Variants in LIFR observed in about 807,000 individuals in gnomAD.
LIFR encodes LIF receptor subunit alpha.
A neutral mutation model predicts 122.2 loss-of-function variants in LIFR; 84 were observed. That is an observed-to-expected ratio of 0.69 (90% CI 0.58 to 0.82). The LOEUF is 0.82. LIFR is among the 40% of genes least tolerant of loss of function. The probability of loss-of-function intolerance (pLI) is 0.00; values close to 1 mark genes in which losing one functional copy is unlikely to be tolerated. For missense variants in LIFR, 1,294 were observed against 1,311.6 expected (o/e 0.99, Z 0.21); for synonymous variants, 422 against 434.7 (o/e 0.97, Z 0.36).
chr5:38,503,570 T>C (rs1745297568), intron 10 of LIFR, among the ~76,000 whole-genome samples: 1 of 152,222 alleles, frequency 6.6e-6, no homozygotes, highest in African/African-American at 2.4e-5. Context: ...ATTTAAAATG[T>C]ATTAAAAAGT....
intron 3 of LIFR, among the ~76,000 whole-genome samples, chr5:38,527,907 T>C (rs1746778492): frequency 6.6e-6 from 1 of 152,188 alleles, no homozygotes; most frequent in African/African-American, 2.4e-5. Context: ...TATACAAATG[T>C]TTACTTTACT....
intron 1 of LIFR, among the ~76,000 whole-genome samples, chr5:38,533,431 A>G (rs1022902730): frequency 2.6e-5 from 4 of 152,188 alleles, no homozygotes; most frequent in Non-Finnish European, 4.4e-5. Flanking sequence ...CACATGGCAA[A>G]GTTCAGTCCT....
At chr5:38,602,497 T>A (rs1750240062) in intron 2 of LIFR, among the ~76,000 whole-genome samples, 1 of 151,860 alleles carries the variant, frequency 6.6e-6, no homozygotes, top group South Asian at 2.1e-4. Context: ...CCTTCTCTTT[T>A]CTTTTTTTTT....
At chr5:38,556,139 C>T (rs1188728233) in intron 1 of LIFR, among the ~76,000 whole-genome samples, 195 bp downstream of exon 1, 1 of 152,158 alleles carries the variant, frequency 6.6e-6, no homozygotes, top group African/African-American at 2.4e-5. Context: ...TCCGCGTCCC[C>T]CAGGACACGA....
intron 1 of LIFR, among the ~76,000 whole-genome samples, chr5:38,570,127 A>G (rs922349851): frequency 6.6e-6 from 1 of 151,620 alleles, no homozygotes; most frequent in Admixed American, 6.6e-5. Context: ...TAAGCATGCT[A>G]TACCTTAACT....
chr5:38,549,038 C>G (rs1314258416), intron 1 of LIFR, among the ~76,000 whole-genome samples: 2 of 151,988 alleles, frequency 1.3e-5, no homozygotes, highest in Non-Finnish European at 2.9e-5. Flanking sequence ...TAAGGAAATA[C>G]AAAACTTGCC....
At chr5:38,562,887 T>C (rs1451387906) in intron 1 of LIFR, among the ~76,000 whole-genome samples, 1 of 152,212 alleles carries the variant, frequency 6.6e-6, no homozygotes, top group African/African-American at 2.4e-5. Flanking sequence ...TAATTCAAGG[T>C]CTCTGAAACA....
chr5:38,604,593 C>T (rs327297), intron 2 of LIFR, among the ~76,000 whole-genome samples: 2,643 of 151,886 alleles, frequency 0.017, 79 homozygotes, highest in African/African-American at 0.061. Context: ...CTCAGCTACC[C>T]GGGAGGCTGA....
chr5:38,498,232 T>G (rs1003093640), intron 12 of LIFR, among the ~76,000 whole-genome samples: 1 of 152,174 alleles, frequency 6.6e-6, no homozygotes, highest in African/African-American at 2.4e-5. Flanking sequence ...GACCACACAC[T>G]GTTTGAAATG....
At chr5:38,580,305 A>T (rs991241379) in intron 1 of LIFR, among the ~76,000 whole-genome samples, 1 of 152,142 alleles carries the variant, frequency 6.6e-6, no homozygotes, top group Non-Finnish European at 1.5e-5. Context: ...CCACAAACAG[A>T]GGTGGCTGTG....
chr5:38,541,710 G>T (rs1747601225), intron 1 of LIFR, among the ~76,000 whole-genome samples: 1 of 152,068 alleles, frequency 6.6e-6, no homozygotes, highest in Non-Finnish European at 1.5e-5. Flanking sequence ...ATCTGTGGAT[G>T]GAAAAAAATG....
chr5:38,608,167 G>A (rs1285194793), exon 1 of LIFR: 1 of 152,102 alleles, frequency 6.6e-6, no homozygotes, highest in Non-Finnish European at 1.5e-5. Flanking sequence ...GAATCTCCTG[G>A]TTGCCTGTCT....
At chr5:38,533,405 C>T (rs145771089) in intron 1 of LIFR, among the ~76,000 whole-genome samples, 1,560 of 152,312 alleles carry the variant, frequency 0.01, 12 homozygotes, top group Middle Eastern at 0.044. Context: ...ACAGGCAGAA[C>T]TTGAGCCTGG....
intron 1 of LIFR, among the ~76,000 whole-genome samples, chr5:38,586,813 C>T (rs984666798): frequency 1.3e-5 from 2 of 152,054 alleles, no homozygotes; most frequent in Admixed American, 1.3e-4. Flanking sequence ...TGTTTCAACT[C>T]GTTCTGCTTT....
intron 6 of LIFR, 123 bp downstream of exon 6, chr5:38,511,667 C>T (rs1477727331): frequency 1.1e-6 from 1 of 912,572 alleles, no homozygotes; most frequent in African/African-American, 1.6e-5. Context: ...GGCTTAGACG[C>T]TCCCAGGTAA....
chr5:38,567,185 C>T (rs892365676), intron 1 of LIFR, among the ~76,000 whole-genome samples: 1 of 152,130 alleles, frequency 6.6e-6, no homozygotes, highest in Non-Finnish European at 1.5e-5. Context: ...GAATTGGAAC[C>T]AATTCTGGTG....
chr5:38,503,907 T>C, intron 10 of LIFR, 69 bp downstream of exon 10: 1 of 1,111,594 alleles, frequency 9.0e-7, no homozygotes, highest in Non-Finnish European at 1.4e-6. Flanking sequence ...GCATATCAAT[T>C]TGCTTAATTC....
At chr5:38,500,895 T>C (rs1356430274) in intron 11 of LIFR, among the ~76,000 whole-genome samples, 2 of 152,176 alleles carry the variant, frequency 1.3e-5, no homozygotes. Flanking sequence ...AAAGATACTG[T>C]TCAGTCACCG....
At position 38,556,424 on chromosome 5, in the gene LIFR, C is replaced by T. The variant is rs1245752260; in HGVS notation, c.-110G>A. ...CGGGGCTGCCCAGATCCCACAGCCG[C>T]CCGGGGGCAGGAGCCGCCAAGGAGG... On this transcript the variant is annotated 5_prime_UTR_variant, in exon 1 of 20. Transcript: ENST00000453190. The T allele has an allele frequency of 6.6e-6, 1 of 152,006 alleles. No homozygotes were observed. The highest frequency in any genetic ancestry group is 1.5e-5 in the Non-Finnish European group (1 of 68,220). The allele number at this position is 152,006 out of a possible 1,614,324, so 9.4% of individuals were successfully genotyped here. A position where few individuals can be genotyped will look rare whatever the true frequency, so the allele number is the denominator to read the frequency against.
Sources: allele counts gnomAD v4.1 joint callset (sites outside exome capture counted in the v4.1 genomes callset), GRCh38; gene constraint gnomAD v4.1.1; transcripts MANE v1.5; gene names NCBI Gene and HGNC (gene_info 2026-07-23, HGNC 2026-07-21).